The following TTC7B variants were observed in gnomAD, a reference collection of about 807,000 sequenced individuals.
TTC7B encodes the protein tetratricopeptide repeat domain 7B.
Under a neutral mutation model 106.8 loss-of-function variants are expected in TTC7B, and 28 were observed. The observed-to-expected ratio is 0.26, with a 90% confidence interval of 0.19 to 0.36. The LOEUF is 0.36. Ranked by LOEUF, TTC7B falls within the 10% of genes least tolerant of loss-of-function variation. TTC7B has a pLI of 1.00. For synonymous variants in TTC7B, 405 were observed against 430.6 expected, an observed-to-expected ratio of 0.94 and a Z score of 0.74; for missense variants, 862 against 1,076.4, an observed-to-expected ratio of 0.80 and a Z score of 2.79.
At chr14:90,768,482 C>T (rs1367480827) in intron 3 of TTC7B, among the ~76,000 whole-genome samples, 4 of 152,188 alleles carry the variant, frequency 2.6e-5, no homozygotes, top group Admixed American at 2.0e-4. Context: ...AAATCACCTC[C>T]CTCCCTTGAT....
chr14:90,583,662 C>T (rs1891595943), intron 18 of TTC7B, among the ~76,000 whole-genome samples: 1 of 152,098 alleles, frequency 6.6e-6, no homozygotes. Context: ...TGAAGAGGTT[C>T]CAGGGACAGA....
At chr14:90,658,196 C>T in intron 10 of TTC7B, 108 bp downstream of exon 10, 1 of 943,336 alleles carries the variant, frequency 1.1e-6, no homozygotes, top group South Asian at 1.5e-5. Context: ...CTCAGAGTGG[C>T]TCGAAAGACT....
At chr14:90,782,745 G>A (rs559653771) in intron 2 of TTC7B, among the ~76,000 whole-genome samples, 10 of 152,240 alleles carry the variant, frequency 6.6e-5, no homozygotes, top group African/African-American at 1.4e-4. Context: ...GATTAAAGGC[G>A]AATTGAAAGA....
In TTC7B at chr14:90,663,964, C is replaced by T. The variant is rs1886307926; in HGVS notation, c.1153-5577G>A. ...GCCTGGATATATAACATGTCCTCCC[C>T]TATGTTTCTGTAAACATGAAGATTA... is the stretch of plus-strand genomic sequence containing the variant. On this transcript the variant is annotated intron_variant, in intron 9 of 19. Coordinates refer to ENST00000328459, the MANE Select transcript of TTC7B (RefSeq NM_001010854.2). The surrounding 1 kb of genome is among the most constrained non-coding windows in gnomAD (Gnocchi z 4.5). Among the ~76,000 whole-genome samples the T allele has an allele frequency of 6.6e-6, 1 of 152,208 alleles. No homozygotes were observed. The highest frequency in any genetic ancestry group is 1.5e-5 in the Non-Finnish European group (1 of 68,040).
At chr14:90,716,055 C>G (rs1197253011) in intron 5 of TTC7B, among the ~76,000 whole-genome samples, 1 of 152,184 alleles carries the variant, frequency 6.6e-6, no homozygotes, top group Non-Finnish European at 1.5e-5. Context: ...TCAGGTCCGT[C>G]ACGATAGGCA....
At chr14:90,614,175 G>A (rs1400877004) in intron 16 of TTC7B, among the ~76,000 whole-genome samples, 1 of 152,184 alleles carries the variant, frequency 6.6e-6, no homozygotes, top group East Asian at 1.9e-4. Flanking sequence ...CTTAGGCCTG[G>A]ATGATAAGAG....
chr14:90,552,555 T>C (rs1890131826), intron 19 of TTC7B, among the ~76,000 whole-genome samples: 1 of 152,110 alleles, frequency 6.6e-6, no homozygotes, highest in Non-Finnish European at 1.5e-5. Flanking sequence ...CAGGTGGGGA[T>C]AGAACATTCG....
rs1045670920 is a variant in TTC7B, at chr14:90,757,501, A to G, written c.446-12579T>C. On this transcript the variant is annotated intron_variant, in intron 3 of 19. Coordinates refer to ENST00000328459, the MANE Select transcript of TTC7B (RefSeq NM_001010854.2). This position sits in a 1 kb window ranked among gnomAD's most constrained non-coding sequence, Gnocchi z 4.1. ...TCTCAAGGAAAAAAGATCGAGCTCT[A>G]TCTTCTCTCCTGTCCTCTCTTTGCA... 3.9e-5 allele frequency among the ~76,000 whole-genome samples: 6 copies of G among 152,128 alleles called. No homozygotes were observed. Among genetic ancestry groups the G allele is most frequent in the African/African-American group, 1.4e-4 (6 of 41,418 alleles).
In TTC7B at chr14:90,544,165, C is replaced by T. The variant is rs199541830; in HGVS notation, c.2311-2576G>A. On this transcript the variant is annotated intron_variant, in intron 19 of 19. Coordinates refer to ENST00000328459, the MANE Select transcript of TTC7B (RefSeq NM_001010854.2). The stretch of plus-strand genomic sequence containing the variant: ...GGAGCTCTCCTGGGTGAGGAGGAGG[C>T]GGAGGCCACGCTGCCTCAGGTAGAG... Among the ~76,000 whole-genome samples, 13 of 152,344 alleles carry T rather than the reference C, an allele frequency of 8.5e-5. No homozygotes were observed. In the East Asian group the frequency reaches 2.3e-3, roughly 27 times the overall value.
chr14:90,767,591 C>G (rs1890732340), intron 3 of TTC7B, among the ~76,000 whole-genome samples: 1 of 152,138 alleles, frequency 6.6e-6, no homozygotes, highest in African/African-American at 2.4e-5. Flanking sequence ...AAGACACTTG[C>G]CAGATGCTAG....
intron 15 of TTC7B, among the ~76,000 whole-genome samples, chr14:90,620,596 C>T (rs950736831): frequency 4.6e-5 from 7 of 152,164 alleles, no homozygotes; most frequent in Admixed American, 1.3e-4. Flanking sequence ...TCCAGGAAGC[C>T]GTGCACGTGC....
chr14:90,810,520 T>A (rs757272677), intron 1 of TTC7B, among the ~76,000 whole-genome samples: 1 of 152,250 alleles, frequency 6.6e-6, no homozygotes, highest in Non-Finnish European at 1.5e-5. Flanking sequence ...TGTTTTGTCA[T>A]CTATAAGAGG....
intron 3 of TTC7B, among the ~76,000 whole-genome samples, chr14:90,764,044 C>G (rs1809909968): frequency 6.6e-6 from 1 of 152,136 alleles, no homozygotes; most frequent in South Asian, 2.1e-4. Flanking sequence ...AAAACACACT[C>G]CCCAAACTCA....
chr14:90,748,391 C>T lies in TTC7B; in HGVS notation c.446-3469G>A, dbSNP rs181950088. On this transcript the variant is annotated intron_variant, in intron 3 of 19. Coordinates refer to ENST00000328459, the MANE Select transcript of TTC7B (RefSeq NM_001010854.2). ...TTGCCCAGGCTGGAGTACAGTGGCG[C>T]GATCTTGGCTCACTGCAACCTCCAC... is the stretch of plus-strand genomic sequence containing the variant. 3.2e-3 allele frequency among the ~76,000 whole-genome samples: 485 copies of T among 152,244 alleles called. 3 individuals are homozygous for T. Among genetic ancestry groups the T allele is most frequent in the African/African-American group, 0.011 (457 of 41,542 alleles).
intron 13 of TTC7B, chr14:90,647,399 G>A (rs1002184629): frequency 3.6e-5 from 6 of 166,012 alleles, no homozygotes; most frequent in Non-Finnish European, 6.5e-5. Context: ...TTGGCAAGGC[G>A]ATGGCTGCTT....
intron 18 of TTC7B, among the ~76,000 whole-genome samples, chr14:90,593,003 G>T (rs1040191346): frequency 1.3e-5 from 2 of 152,170 alleles, no homozygotes; most frequent in Non-Finnish European, 2.9e-5. Flanking sequence ...GGGACTCCAA[G>T]AATTCACTGT....
intron 15 of TTC7B, among the ~76,000 whole-genome samples, chr14:90,641,865 C>A (rs1325938485): frequency 6.6e-6 from 1 of 152,050 alleles, no homozygotes; most frequent in Non-Finnish European, 1.5e-5. Flanking sequence ...TTGGATGACA[C>A]CCTAGGCTAT....
intron 5 of TTC7B, among the ~76,000 whole-genome samples, chr14:90,714,510 G>A (rs1888577490): frequency 6.6e-6 from 1 of 150,888 alleles, no homozygotes; most frequent in East Asian, 2.0e-4. Flanking sequence ...AGGCTGGAGT[G>A]CAATGGCGCA....
At chr14:90,652,992 T>A in intron 12 of TTC7B, 94 bp from the exon 13 acceptor site, 2 of 1,329,228 alleles carry the variant, frequency 1.5e-6, no homozygotes, top group Non-Finnish European at 2.2e-6. Flanking sequence ...TCAACTGGAT[T>A]AAAAGCAACA....
Sources: gnomAD v4.1 joint callset for allele counts (sites outside exome capture counted in the v4.1 genomes callset) on GRCh38, gnomAD v4.1.1 for gene constraint, Gnocchi (gnomAD v3.1) non-coding constraint, MANE v1.5 for transcripts, NCBI Gene and HGNC (gene_info 2026-07-23, HGNC 2026-07-21) for gene names.